IL1RAPL1: variants seen among roughly 807,000 people sequenced by gnomAD.
IL1RAPL1 encodes the protein interleukin-1 receptor accessory protein-like 1.
Under a neutral mutation model 48.4 loss-of-function variants are expected in IL1RAPL1, and 3 were observed. The ratio of observed to expected loss-of-function variants is 0.06; its 90% CI spans 0.03 to 0.16. The LOEUF is 0.16. IL1RAPL1 is among the 10% of genes least tolerant of loss of function. The probability of loss-of-function intolerance (pLI) is 1.00; values close to 1 mark genes in which losing one functional copy is unlikely to be tolerated. For synonymous variants in IL1RAPL1, 185 were observed against 187.7 expected, an observed-to-expected ratio of 0.99 and a Z score of 0.12; for missense variants, 349 against 530.6, an observed-to-expected ratio of 0.66 and a Z score of 3.36.
intron 2 of IL1RAPL1, among the ~76,000 whole-genome samples, chrX:29,258,866 A>G (rs1449171389): frequency 9.0e-6 from 1 of 111,671 alleles, no homozygotes; most frequent in Non-Finnish European, 1.9e-5. Context: ...CATGGTTCAA[A>G]TGCTGTCTTT....
intron 2 of IL1RAPL1, among the ~76,000 whole-genome samples, chrX:29,144,973 C>T (rs962346399): frequency 9.1e-6 from 1 of 110,279 alleles, no homozygotes; most frequent in South Asian, 3.9e-4. Context: ...AAGTGATCTG[C>T]CCGCCTTGAC....
At chrX:29,876,340 C>G (rs1931903804) in intron 6 of IL1RAPL1, among the ~76,000 whole-genome samples, 1 of 111,596 alleles carries the variant, frequency 9.0e-6, no homozygotes, top group Non-Finnish European at 1.9e-5. Context: ...AAGACTGCAT[C>G]TAAGGAGTTA....
intron 2 of IL1RAPL1, among the ~76,000 whole-genome samples, chrX:28,881,783 GAAGA>G (rs750519263): frequency 2.6e-3 from 285 of 111,238 alleles, no homozygotes; most frequent in Non-Finnish European, 4.5e-3. Flanking sequence ...TGACTAAGTG[GAAGA>G]AAGAATCAAT....
intron 6 of IL1RAPL1, among the ~76,000 whole-genome samples, chrX:29,732,770 C>G (rs1277195319): frequency 1.8e-5 from 2 of 111,961 alleles, no homozygotes; most frequent in African/African-American, 6.5e-5. Flanking sequence ...TTTTACTTCT[C>G]TCTTAGGATT....
chrX:29,183,631 CTT>C (rs767942585), intron 2 of IL1RAPL1, among the ~76,000 whole-genome samples: 1 of 110,283 alleles, frequency 9.1e-6, no homozygotes, highest in East Asian at 2.8e-4. Flanking sequence ...TTTGTTCAAA[CTT>C]TTCCTACTGA....
chrX:29,081,664 T>A (rs1927846957), intron 2 of IL1RAPL1, among the ~76,000 whole-genome samples: 1 of 111,898 alleles, frequency 8.9e-6, no homozygotes, highest in Admixed American at 9.5e-5. Flanking sequence ...TTGTTAATAT[T>A]TTTGAGTCAT....
chrX:28,945,901 A>ATCTG (rs202053693), intron 2 of IL1RAPL1, among the ~76,000 whole-genome samples: 1 of 94,694 alleles, frequency 1.1e-5, no homozygotes, highest in African/African-American at 3.8e-5. Flanking sequence ...ATATATATAT[A>ATCTG]TATGTGTGTG....
chrX:29,522,197 TC>T (rs1935509965), intron 5 of IL1RAPL1, among the ~76,000 whole-genome samples: 1 of 111,266 alleles, frequency 9.0e-6, no homozygotes, highest in Non-Finnish European at 1.9e-5. Context: ...TCTCTCTCTC[TC>T]ACCCAGGGTG....
At chrX:29,388,126 A>AG (rs1319495219) in intron 3 of IL1RAPL1, among the ~76,000 whole-genome samples, 1 of 107,930 alleles carries the variant, frequency 9.3e-6, no homozygotes, top group African/African-American at 3.3e-5. Context: ...AAAAAAAAAA[A>AG]AAGCAATCAG....
At chrX:29,494,045 C>T in intron 5 of IL1RAPL1, among the ~76,000 whole-genome samples, 1 of 110,440 alleles carries the variant, frequency 9.1e-6, no homozygotes, top group East Asian at 2.8e-4. Flanking sequence ...CAGGCACGCA[C>T]CATCAGGCCC....
intron 2 of IL1RAPL1, among the ~76,000 whole-genome samples, chrX:29,166,575 A>C (rs1178921170): frequency 9.0e-6 from 1 of 111,685 alleles, no homozygotes; most frequent in Non-Finnish European, 1.9e-5. Flanking sequence ...CTATTTTTTA[A>C]TGTGTAAAAT....
intron 2 of IL1RAPL1, among the ~76,000 whole-genome samples, chrX:29,136,543 C>A (rs1443471390): frequency 9.0e-6 from 1 of 111,354 alleles, no homozygotes; most frequent in Non-Finnish European, 1.9e-5. Context: ...GTTGCCCATT[C>A]TGGAGTGTAG....
chrX:28,721,861 C>G (rs1380003346), intron 1 of IL1RAPL1, among the ~76,000 whole-genome samples: 4 of 111,136 alleles, frequency 3.6e-5, no homozygotes, highest in Non-Finnish European at 5.7e-5. Context: ...AATCCTTTCC[C>G]CATTTCTTGT....
intron 2 of IL1RAPL1, among the ~76,000 whole-genome samples, chrX:28,852,011 G>C (rs747275043): frequency 8.9e-6 from 1 of 111,986 alleles, no homozygotes; most frequent in Non-Finnish European, 1.9e-5. Context: ...TAGTTATCCA[G>C]CAACACCTGC....
intron 5 of IL1RAPL1, among the ~76,000 whole-genome samples, chrX:29,452,542 T>C (rs1198621691): frequency 2.7e-5 from 3 of 111,921 alleles, no homozygotes; most frequent in Non-Finnish European, 1.9e-5. Context: ...GAAAATGATA[T>C]GTTTTTTCTT....
chrX:29,337,894 C>G (rs1235013462), intron 3 of IL1RAPL1, among the ~76,000 whole-genome samples: 3 of 110,955 alleles, frequency 2.7e-5, no homozygotes, highest in Non-Finnish European at 5.7e-5. Context: ...AGGCTGGTCT[C>G]GAACTCCTGA....
chrX:28,830,610 G>A (rs1921018966), intron 2 of IL1RAPL1, among the ~76,000 whole-genome samples: 1 of 110,952 alleles, frequency 9.0e-6, no homozygotes, highest in Admixed American at 9.6e-5. Context: ...TCTTGCAATC[G>A]CTGATTTCAA....
chrX:29,454,559 C>T (rs1001365077), intron 5 of IL1RAPL1, among the ~76,000 whole-genome samples: 2 of 111,033 alleles, frequency 1.8e-5, no homozygotes, highest in Non-Finnish European at 3.8e-5. Context: ...AGACAAGCAA[C>T]AATCTAAGCA....
intron 2 of IL1RAPL1, among the ~76,000 whole-genome samples, chrX:29,247,831 C>T (rs373962521): frequency 1.5e-4 from 17 of 111,140 alleles, no homozygotes; most frequent in African/African-American, 5.6e-4. Context: ...GCAAAATATC[C>T]TCTTTGGAGT....
Sources: allele counts gnomAD v4.1 joint callset (sites outside exome capture counted in the v4.1 genomes callset), GRCh38; gene constraint gnomAD v4.1.1; transcripts MANE v1.5; gene names NCBI Gene and HGNC (gene_info 2026-07-23, HGNC 2026-07-21).